The following RARB variants were observed in gnomAD, a reference collection of about 807,000 sequenced individuals.
The protein encoded by RARB is HBV-activated protein.
RARB carries 17 observed loss-of-function variants against 51.9 expected under a neutral mutation model. The ratio of observed to expected loss-of-function variants is 0.33; its 90% CI spans 0.22 to 0.49. RARB has a LOEUF of 0.49. RARB is among the 20% of genes least tolerant of loss of function. RARB has a pLI of 0.99. For missense variants in RARB, 369 were observed against 550.8 expected (o/e 0.67, Z 3.30); for synonymous variants, 215 against 195.4 (o/e 1.10, Z -0.84).
intron 1 of RARB, among the ~76,000 whole-genome samples, chr3:25,435,144 A>G (rs955513813): frequency 6.6e-6 from 1 of 151,874 alleles, no homozygotes; most frequent in Admixed American, 6.5e-5. Flanking sequence ...TTTAAGTTTC[A>G]GTGTTTGACA....
chr3:25,276,996 GGATA>G (rs1297538444), intron 5 of RARB, among the ~76,000 whole-genome samples: 1 of 152,154 alleles, frequency 6.6e-6, no homozygotes, highest in Non-Finnish European at 1.5e-5. Context: ...GTGAATGCAT[GGATA>G]GATGAATGAA....
At chr3:25,118,646 G>A (rs1488432368) in intron 3 of RARB, among the ~76,000 whole-genome samples, 1 of 152,086 alleles carries the variant, frequency 6.6e-6, no homozygotes, top group East Asian at 1.9e-4. Context: ...GCTAAGCCAT[G>A]TGCTTTTTCA....
intron 5 of RARB, among the ~76,000 whole-genome samples, chr3:25,261,588 G>C (rs570444275): frequency 6.6e-6 from 1 of 152,124 alleles, no homozygotes; most frequent in African/African-American, 2.4e-5. Context: ...ATCAGTTCAG[G>C]CTTCCACTAA....
chr3:25,114,908 A>G (rs1268819708), intron 3 of RARB, among the ~76,000 whole-genome samples: 1 of 152,232 alleles, frequency 6.6e-6, no homozygotes, highest in Non-Finnish European at 1.5e-5. Flanking sequence ...TACTGAGTTG[A>G]AAAATAATTT....
chr3:25,101,821 C>T (rs1699405902), intron 3 of RARB, among the ~76,000 whole-genome samples: 1 of 151,782 alleles, frequency 6.6e-6, no homozygotes, highest in Non-Finnish European at 1.5e-5. Context: ...TATGAGGATC[C>T]CTGCTTCCCC....
chr3:24,988,566 GTT>G (rs1183315684), intron 2 of RARB, among the ~76,000 whole-genome samples: 1 of 152,006 alleles, frequency 6.6e-6, no homozygotes, highest in Non-Finnish European at 1.5e-5. Flanking sequence ...TGGTTCGTGT[GTT>G]TTATAAGGTA....
intron 5 of RARB, among the ~76,000 whole-genome samples, chr3:25,206,197 A>G (rs1211383481): frequency 2.0e-5 from 3 of 152,196 alleles, no homozygotes; most frequent in Non-Finnish European, 2.9e-5. Flanking sequence ...ATAATATTTC[A>G]TCTCAAGTGA....
At chr3:24,960,208 GT>G (rs1216823334) in intron 2 of RARB, among the ~76,000 whole-genome samples, 3 of 152,200 alleles carry the variant, frequency 2.0e-5, no homozygotes, top group East Asian at 1.9e-4. Flanking sequence ...TTAAATTGGA[GT>G]TTTTAGGGCA....
At chr3:25,098,567 C>G (rs1699343689) in intron 3 of RARB, among the ~76,000 whole-genome samples, 1 of 152,124 alleles carries the variant, frequency 6.6e-6, no homozygotes, top group Non-Finnish European at 1.5e-5. Context: ...TCAGGATTAA[C>G]AAACTACGGC....
chr3:24,987,998 G>A (rs1273954495), intron 2 of RARB, among the ~76,000 whole-genome samples: 1 of 150,274 alleles, frequency 6.7e-6, no homozygotes, highest in Non-Finnish European at 1.5e-5. Context: ...AACCTTAGTT[G>A]TAATTAGAAC....
chr3:25,019,374 A>G (rs1313151319), intron 2 of RARB, among the ~76,000 whole-genome samples: 1 of 152,176 alleles, frequency 6.6e-6, no homozygotes, highest in Non-Finnish European at 1.5e-5. Flanking sequence ...TGATAGACAA[A>G]GGGTAGCATG....
At chr3:24,879,863 A>G (rs778046709) in intron 2 of RARB, among the ~76,000 whole-genome samples, 2 of 152,132 alleles carry the variant, frequency 1.3e-5, no homozygotes, top group Non-Finnish European at 2.9e-5. Context: ...TTTAGTTCAC[A>G]GTTACATTAA....
At chr3:25,363,236 G>C (rs1490669931) in intron 5 of RARB, among the ~76,000 whole-genome samples, 2 of 152,094 alleles carry the variant, frequency 1.3e-5, no homozygotes, top group Non-Finnish European at 2.9e-5. Flanking sequence ...TGTTATAAGA[G>C]GTTAGAGAAG....
At chr3:24,994,117 C>T (rs1696972210) in intron 2 of RARB, among the ~76,000 whole-genome samples, 1 of 152,166 alleles carries the variant, frequency 6.6e-6, no homozygotes, top group South Asian at 2.1e-4. Context: ...TTTACATTCC[C>T]ACCAATGGTG....
chr3:25,042,895 C>T (rs1230983221), intron 2 of RARB, among the ~76,000 whole-genome samples: 2 of 151,794 alleles, frequency 1.3e-5, no homozygotes, highest in African/African-American at 4.8e-5. Context: ...CTTTTCTACT[C>T]TCTCCTTTTA....
At chr3:25,468,012 G>A (rs1479509065) in intron 2 of RARB, among the ~76,000 whole-genome samples, 3 of 152,166 alleles carry the variant, frequency 2.0e-5, no homozygotes, top group Admixed American at 2.0e-4. Context: ...CTGATGTGAT[G>A]GGGGTCAGGT....
intron 2 of RARB, among the ~76,000 whole-genome samples, chr3:24,978,313 A>G (rs1417807852): frequency 6.6e-6 from 1 of 152,164 alleles, no homozygotes; most frequent in Admixed American, 6.5e-5. Context: ...TGTTTGGAAT[A>G]GTTTCAGAAG....
intron 5 of RARB, among the ~76,000 whole-genome samples, chr3:25,286,399 T>G (rs1703658729): frequency 6.6e-6 from 1 of 152,164 alleles, no homozygotes; most frequent in East Asian, 1.9e-4. Context: ...AACTTGATCC[T>G]TCTCTTACAA....
intron 2 of RARB, among the ~76,000 whole-genome samples, chr3:24,886,847 G>C (rs1045289257): frequency 1.3e-5 from 2 of 152,174 alleles, no homozygotes; most frequent in African/African-American, 4.8e-5. Flanking sequence ...ATTCATTTTA[G>C]GTTGCTTTCC....
Sources: gnomAD v4.1 joint callset for allele counts (sites outside exome capture counted in the v4.1 genomes callset) on GRCh38, gnomAD v4.1.1 for gene constraint, MANE v1.5 for transcripts, NCBI Gene and HGNC (gene_info 2026-07-23, HGNC 2026-07-21) for gene names.